The following EYS variants were observed in gnomAD, a reference collection of about 807,000 sequenced individuals.
EYS encodes the protein EGF-like photoreceptor maintenance factor.
In EYS, 250 loss-of-function variants were observed where a neutral mutation model predicts 282.1. The observed-to-expected ratio is 0.89, with a 90% CI of 0.80 to 0.98. The LOEUF (loss-of-function observed/expected upper bound fraction) is 0.98, where lower values mean the gene tolerates loss of function less well. EYS is among the 50% of genes least tolerant of loss of function. EYS has a pLI of 0.00. For synonymous variants in EYS, 1,355 were observed against 1,282.9 expected (o/e 1.06, Z -1.20); for missense variants, 4,016 against 3,709.0 (o/e 1.08, Z -2.15).
chr6:64,283,499 A>C, intron 30 of EYS, among the ~76,000 whole-genome samples: 1 of 152,202 alleles, frequency 6.6e-6, no homozygotes. Context: ...GAAGTATTCT[A>C]GAATAAATGA....
intron 33 of EYS, among the ~76,000 whole-genome samples, chr6:64,048,462 G>A (rs778825668): frequency 2.0e-5 from 3 of 152,102 alleles, no homozygotes; most frequent in Non-Finnish European, 4.4e-5. Flanking sequence ...ATAGTCATCC[G>A]TGCTGTGACC....
At chr6:64,589,244 T>C (rs1562078221) in intron 26 of EYS, among the ~76,000 whole-genome samples, 1 of 152,064 alleles carries the variant, frequency 6.6e-6, no homozygotes, top group Admixed American at 6.6e-5. Context: ...ATTGAATATA[T>C]GATATACCAA....
At chr6:65,280,623 T>C (rs937943346) in intron 12 of EYS, among the ~76,000 whole-genome samples, 2 of 152,214 alleles carry the variant, frequency 1.3e-5, no homozygotes, top group South Asian at 2.1e-4. Flanking sequence ...GATTTCATTT[T>C]TTTAATTCGG....
chr6:64,902,288 A>T, intron 17 of EYS, 68 bp from the exon 18 acceptor site: 1 of 1,340,836 alleles, frequency 7.5e-7, no homozygotes, highest in Non-Finnish European at 1.0e-6. Context: ...AACTAATTGT[A>T]GCATGGCAAG....
chr6:64,460,873 G>A (rs1749632891), intron 26 of EYS, among the ~76,000 whole-genome samples: 4 of 152,092 alleles, frequency 2.6e-5, no homozygotes, highest in Admixed American at 2.6e-4. Flanking sequence ...TAAAAATTCA[G>A]CACTGATTTC....
At chr6:64,285,074 G>A (rs1343651380) in intron 30 of EYS, among the ~76,000 whole-genome samples, 1 of 152,166 alleles carries the variant, frequency 6.6e-6, no homozygotes, top group African/African-American at 2.4e-5. Flanking sequence ...TTTCTCCTCT[G>A]AAAATGGGAT....
rs537352474 is a variant in EYS, at chr6:64,636,597, C to A, written c.3444-10352G>T. Among the ~76,000 whole-genome samples, 726 of 152,020 alleles carry A rather than the reference C, an allele frequency of 4.8e-3. 5 individuals carry two copies. The highest frequency in any genetic ancestry group is 0.016 in the African/African-American group (673 of 41,510). ...AAGCCAAAATTGACAAATGGGATCT[C>A]ATTAAACTAAAGAGCTTCTGCACAG... On this transcript the variant is annotated intron_variant, in intron 22 of 42. Coordinates refer to ENST00000503581, the MANE Select transcript of EYS (RefSeq NM_001142800.2).
At chr6:65,160,077 G>C (rs1266969777) in intron 12 of EYS, among the ~76,000 whole-genome samples, 1 of 150,702 alleles carries the variant, frequency 6.6e-6, no homozygotes, top group Non-Finnish European at 1.5e-5. Flanking sequence ...TCTCATATTT[G>C]TTGCTCTATA....
intron 14 of EYS, among the ~76,000 whole-genome samples, chr6:64,952,729 T>C (rs1015593462): frequency 2.4e-4 from 36 of 152,102 alleles, no homozygotes; most frequent in Admixed American, 1.2e-3. Flanking sequence ...TTATGATACA[T>C]TTAAAGCATG....
At chr6:64,128,854 C>CA (rs1773872150) in intron 31 of EYS, among the ~76,000 whole-genome samples, 1 of 152,102 alleles carries the variant, frequency 6.6e-6, no homozygotes, top group Non-Finnish European at 1.5e-5. Flanking sequence ...GGTAATAAAT[C>CA]AAATGATTAT....
At chr6:64,145,463 G>C (rs1774482755) in intron 31 of EYS, among the ~76,000 whole-genome samples, 1 of 150,370 alleles carries the variant, frequency 6.7e-6, no homozygotes, top group Non-Finnish European at 1.5e-5. Flanking sequence ...TGTTTGAAAA[G>C]ACTGCCACTT....
intron 14 of EYS, among the ~76,000 whole-genome samples, chr6:64,979,070 A>C (rs1026511899): frequency 4.6e-5 from 7 of 151,880 alleles, no homozygotes; most frequent in Non-Finnish European, 1.0e-4. Flanking sequence ...TTCAACTTAA[A>C]ACAAGTTTTA....
At chr6:64,307,177 G>A (rs1195861162) in intron 29 of EYS, 95 bp from the exon 30 acceptor site, 1 of 613,784 alleles carries the variant, frequency 1.6e-6, no homozygotes, top group Non-Finnish European at 2.8e-6. Context: ...TATGCAACTG[G>A]ATTTGGAGGC....
chr6:64,215,030 C>T (rs1371754468), intron 31 of EYS, among the ~76,000 whole-genome samples: 3 of 151,800 alleles, frequency 2.0e-5, no homozygotes, highest in African/African-American at 7.2e-5. Flanking sequence ...ATTTCATTGT[C>T]TTTATTCTGA....
At chr6:64,686,773 A>ATATATGTG (rs1562133708) in intron 22 of EYS, among the ~76,000 whole-genome samples, 4 of 8,942 alleles carry the variant, frequency 4.5e-4, no homozygotes, top group Non-Finnish European at 3.5e-3. Flanking sequence ...GTGTGTATAT[A>ATATATGTG]TATATATATA....
At chr6:63,937,007 G>A (rs1456438278) in intron 35 of EYS, among the ~76,000 whole-genome samples, 1 of 152,210 alleles carries the variant, frequency 6.6e-6, no homozygotes, top group Non-Finnish European at 1.5e-5. Flanking sequence ...TGGAAAAAGA[G>A]AGATTAGTGC....
chr6:64,747,832 C>G (rs1280090575), intron 22 of EYS, among the ~76,000 whole-genome samples: 1 of 152,136 alleles, frequency 6.6e-6, no homozygotes, highest in Non-Finnish European at 1.5e-5. Context: ...TTAGAATGAC[C>G]TTCTTTATCT....
At position 64,208,297 on chromosome 6, in the gene EYS, A is replaced by G. The variant is rs181936644; in HGVS notation, c.6424+22295T>C. Among the ~76,000 whole-genome samples, 45 of 152,298 alleles carry G rather than the reference A, an allele frequency of 3.0e-4. No individual in the cohort carries two copies. The East Asian group carries it at 7.7e-3, about 26-fold the overall frequency. The stretch of plus-strand genomic sequence containing the variant: ...TGGTTGTAATATTATGCAGCCTTTT[A>G]AAGCCATTTATGTATTTTTGGATTA... On this transcript the variant is annotated intron_variant, in intron 31 of 42. Transcript: ENST00000503581.
chr6:65,690,286 T>C (rs1316904648), intron 1 of EYS, among the ~76,000 whole-genome samples: 1 of 150,066 alleles, frequency 6.7e-6, no homozygotes, highest in African/African-American at 2.4e-5. Flanking sequence ...GACAACCAGT[T>C]AGACCAGAAA....
Sources: allele counts gnomAD v4.1 joint callset (sites outside exome capture counted in the v4.1 genomes callset), GRCh38; gene constraint gnomAD v4.1.1; transcripts MANE v1.5; gene names NCBI Gene and HGNC (gene_info 2026-07-23, HGNC 2026-07-21).